The following HIF1A variants were observed in gnomAD, a reference collection of about 807,000 sequenced individuals.
HIF1A encodes hypoxia inducible factor 1 subunit alpha, also known as hypoxia-inducible factor 1-alpha.
A neutral mutation model predicts 92.7 loss-of-function variants in HIF1A; 24 were observed. The ratio of observed to expected loss-of-function variants is 0.26; its 90% CI spans 0.19 to 0.36. The LOEUF (loss-of-function observed/expected upper bound fraction) is 0.36, where lower values mean the gene tolerates loss of function less well. HIF1A is among the 10% of genes least tolerant of loss of function. The pLI is 1.00. For missense variants in HIF1A, 799 were observed against 998.5 expected, an observed-to-expected ratio of 0.80 and a Z score of 2.69; for synonymous variants, 319 against 338.7, an observed-to-expected ratio of 0.94 and a Z score of 0.64.
intron 4 of HIF1A, among the ~76,000 whole-genome samples, chr14:61,724,956 T>C (rs2044485017): frequency 1.3e-5 from 2 of 152,222 alleles, no homozygotes; most frequent in South Asian, 4.1e-4. Context: ...CCTTCCCTTC[T>C]AGCTTTGCCT....
At chr14:61,711,204 T>C (rs1436145001) in intron 1 of HIF1A, among the ~76,000 whole-genome samples, 5 of 136,824 alleles carry the variant, frequency 3.7e-5, no homozygotes, top group African/African-American at 1.3e-4. Flanking sequence ...TGTTTAAGTA[T>C]TCCTTTTTTT....
chr14:61,699,085 T>C (rs1175678476), intron 1 of HIF1A: 1 of 152,126 alleles, frequency 6.6e-6, no homozygotes, highest in Non-Finnish European at 1.5e-5. Context: ...TGCTTATGAG[T>C]TTCTCCAGAG....
intron 6 of HIF1A, among the ~76,000 whole-genome samples, chr14:61,731,711 T>TA (rs1363168813): frequency 2.6e-5 from 4 of 152,358 alleles, no homozygotes; most frequent in African/African-American, 9.6e-5. Context: ...TTACAGATTT[T>TA]ATCTATATTT....
At chr14:61,711,207 C>CTTTTTTTTTTTTTTTTTTT (rs10615564) in intron 1 of HIF1A, among the ~76,000 whole-genome samples, 21 of 86,130 alleles carry the variant, frequency 2.4e-4, no homozygotes, top group African/African-American at 8.6e-4. Context: ...TTAAGTATTC[C>CTTTTTTTTTTTTTTTTTTT]TTTTTTTTTT....
Position 61,732,637 on chromosome 14 carries a change from A to G in HIF1A, c.880+113A>G, listed in dbSNP as rs756688783. The stretch of plus-strand genomic sequence containing the variant: ...TTAAAAGTTCTAGACTAAATGTGTT[A>G]ACAGGCCTATTCAGTAGAGATCTTG... On this transcript the variant is annotated intron_variant, in intron 7 of 14. Transcript: ENST00000337138. 6.7e-4 allele frequency: 429 copies of G among 641,302 alleles called. 2 individuals carry two copies. The highest frequency in any genetic ancestry group is 1.0e-3 in the Non-Finnish European group (373 of 357,272). 39.7% of individuals were successfully genotyped at this position (641,302 alleles called of 1,614,324 possible).
At chr14:61,737,501 A>G (rs932758163) in intron 9 of HIF1A, among the ~76,000 whole-genome samples, 1 of 152,212 alleles carries the variant, frequency 6.6e-6, no homozygotes, top group African/African-American at 2.4e-5. Context: ...GAAAACTGCA[A>G]TTTTAAAGTA....
At chr14:61,716,968 C>T (rs568870292) in intron 1 of HIF1A, 1 of 152,196 alleles carries the variant, frequency 6.6e-6, no homozygotes, top group South Asian at 2.1e-4. Flanking sequence ...AAATATAGTA[C>T]CTTATGCAGT....
intron 9 of HIF1A, 35 bp from the exon 10 acceptor site, chr14:61,738,052 T>C (rs1014146386): frequency 2.7e-6 from 4 of 1,509,012 alleles, no homozygotes; most frequent in African/African-American, 1.4e-5. Flanking sequence ...AAAATCCTTC[T>C]ATACTTTAGA....
At chr14:61,701,243 G>A (rs1033205069) in intron 1 of HIF1A, among the ~76,000 whole-genome samples, 5 of 151,946 alleles carry the variant, frequency 3.3e-5, no homozygotes, top group South Asian at 4.2e-4. Context: ...CACCTTAACC[G>A]GTTACAGTTT....
intron 1 of HIF1A, among the ~76,000 whole-genome samples, chr14:61,711,399 A>G (rs754554974): frequency 3.9e-5 from 6 of 152,116 alleles, no homozygotes; most frequent in Admixed American, 1.3e-4. Context: ...AACATTAACT[A>G]TAACTCACAC....
At chr14:61,703,199 T>C (rs1397874233) in intron 1 of HIF1A, among the ~76,000 whole-genome samples, 1 of 152,214 alleles carries the variant, frequency 6.6e-6, no homozygotes, top group African/African-American at 2.4e-5. Context: ...TCAAAAAGTA[T>C]CCATTTTAAA....
rs375959307 is a variant in HIF1A at position 61,721,689 on chromosome 14, G to A, written c.372+35G>A. On this transcript the variant is annotated intron_variant, in intron 3 of 14. Coordinates refer to ENST00000337138, the MANE Select transcript of HIF1A (RefSeq NM_001530.4). The stretch of plus-strand genomic sequence containing the variant: ...ACACATATTAAGAGCTCTTCTATAT[G>A]TTTTTATGATTTTATGATCTAGCCC... 13 of 1,610,488 alleles carry A rather than the reference G, an allele frequency of 8.1e-6. No homozygotes were observed. In the African/African-American group the frequency reaches 1.6e-4, roughly 20 times the overall value.
At chr14:61,698,108 C>G (rs2044136883) in intron 1 of HIF1A, among the ~76,000 whole-genome samples, 1 of 152,216 alleles carries the variant, frequency 6.6e-6, no homozygotes, top group Non-Finnish European at 1.5e-5. Flanking sequence ...TCAGGCCAGA[C>G]TCCTTCAGAG....
Position 61,748,240 on chromosome 14 carries a change from ACAT to A in HIF1A, c.*1157_*1159del, listed in dbSNP as rs1262471493. The A allele has an allele frequency of 6.6e-6, 1 of 152,522 alleles. No homozygotes were observed. Among genetic ancestry groups the A allele is most frequent in the Non-Finnish European group, 1.5e-5 (1 of 67,964 alleles). The allele number at this position is 152,522 out of a possible 1,614,324, so 9.4% of individuals were successfully genotyped here. A position where few individuals can be genotyped will look rare whatever the true frequency, so the allele number is the denominator to read the frequency against. On this transcript the variant is annotated 3_prime_UTR_variant, in exon 15 of 15. Coordinates refer to ENST00000337138, the MANE Select transcript of HIF1A (RefSeq NM_001530.4). ...TGTATTGTTTTGTTACATCAAATAA[ACAT>A]CTTCTGTGGACCAGGCCCCTTTGAT... is the stretch of plus-strand genomic sequence containing the variant.
chr14:61,731,924 T>G (rs11622129), intron 6 of HIF1A, among the ~76,000 whole-genome samples: 120,240 of 152,176 alleles, frequency 0.79, 48,031 homozygotes, highest in Non-Finnish European at 0.84. Flanking sequence ...ATTACCTGAG[T>G]TCAGGAGTTC....
At chr14:61,727,381 C>A in intron 5 of HIF1A, 72 bp from the exon 6 acceptor site, 1 of 1,121,016 alleles carries the variant, frequency 8.9e-7, no homozygotes, top group Non-Finnish European at 1.4e-6. Context: ...TCAGACTCAA[C>A]TACTTATCTC....
At chr14:61,717,269 C>T (rs991220638) in intron 1 of HIF1A, among the ~76,000 whole-genome samples, 2 of 152,104 alleles carry the variant, frequency 1.3e-5, no homozygotes, top group African/African-American at 4.8e-5. Context: ...AGAAGCCGGG[C>T]AGTTTAAATG....
Position 61,740,546 on chromosome 14 carries a change from T to C in HIF1A, c.1578T>C (p.Asp526=). Residue 526 remains aspartate, a synonymous_variant, in exon 11 of 15, where the codon GAT becomes GAC. Transcript: ENST00000337138. ...AATATTGTTTTTATGTGGATAGTGA[T>C]ATGGTCAATGAATTCAAGTTGGAAT... ...PSEYCFYVDS[D]MVNEFKLELV... 1 of 1,598,536 alleles carries C rather than the reference T, an allele frequency of 6.3e-7. No homozygotes were observed. The highest frequency in any genetic ancestry group is 8.6e-7 in the Non-Finnish European group (1 of 1,168,084).
intron 1 of HIF1A, among the ~76,000 whole-genome samples, chr14:61,704,855 T>A (rs1041556961): frequency 1.9e-4 from 29 of 152,184 alleles, no homozygotes; most frequent in Non-Finnish European, 2.6e-4. Context: ...TAGGCCACAG[T>A]TGAACATTCC....
Sources: gnomAD v4.1 joint callset for allele counts (sites outside exome capture counted in the v4.1 genomes callset) on GRCh38, gnomAD v4.1.1 for gene constraint, MANE v1.5 for transcripts, NCBI Gene and HGNC (gene_info 2026-07-23, HGNC 2026-07-21) for gene names.